GFOD1: variants seen among roughly 807,000 people sequenced by gnomAD.
GFOD1 encodes Gfo/Idh/MocA-like oxidoreductase domain containing 1, also known as glucose-fructose oxidoreductase domain-containing protein 1.
GFOD1 carries 9 observed loss-of-function variants against 25.4 expected under a neutral mutation model. The ratio of observed to expected loss-of-function variants is 0.35; its 90% confidence interval spans 0.21 to 0.62. The LOEUF (loss-of-function observed/expected upper bound fraction) is 0.62, where lower values mean the gene tolerates loss of function less well. Among genes scored for constraint, GFOD1 ranks in the 20% least tolerant of loss-of-function variants. GFOD1 has a pLI of 0.72. For missense variants in GFOD1, 403 were observed against 556.9 expected, an observed-to-expected ratio of 0.72 and a Z score of 2.78; for synonymous variants, 253 against 245.6, an observed-to-expected ratio of 1.03 and a Z score of -0.28.
At chr6:13,464,714 A>G (rs1018241300) in intron 1 of GFOD1, among the ~76,000 whole-genome samples, 1 of 152,238 alleles carries the variant, frequency 6.6e-6, no homozygotes, top group African/African-American at 2.4e-5. Flanking sequence ...AGGCTTTACA[A>G]GAAACAAACC....
chr6:13,408,103 T>C (rs1006901005), intron 1 of GFOD1: 1 of 985,356 alleles, frequency 1.0e-6, no homozygotes, highest in Non-Finnish European at 1.2e-6. Flanking sequence ...CCGGCCACGG[T>C]AGCATCTATC....
At chr6:13,372,650 G>A (rs756121517) in intron 1 of GFOD1, among the ~76,000 whole-genome samples, 7 of 152,294 alleles carry the variant, frequency 4.6e-5, no homozygotes, top group Non-Finnish European at 1.0e-4. Flanking sequence ...GCAGGTACCC[G>A]TTGCTGCCCT....
At chr6:13,486,493 T>A in intron 1 of GFOD1, 145 bp downstream of exon 1, 1 of 702,956 alleles carries the variant, frequency 1.4e-6, no homozygotes, top group East Asian at 2.7e-5. Flanking sequence ...GAGCTCTGAG[T>A]CGGATCTGGG....
intron 1 of GFOD1, chr6:13,486,176 A>G: frequency 1.0e-6 from 1 of 990,272 alleles, no homozygotes; most frequent in Non-Finnish European, 1.2e-6. Context: ...GCGGCCTTTT[A>G]TTCAGGCGTT....
chr6:13,441,954 T>C (rs935058883), intron 1 of GFOD1, among the ~76,000 whole-genome samples: 1 of 152,176 alleles, frequency 6.6e-6, no homozygotes, highest in African/African-American at 2.4e-5. Context: ...TATCATCCCA[T>C]GGCCAGACAC....
At chr6:13,384,972 G>GCAGA (rs1341885082) in intron 1 of GFOD1, among the ~76,000 whole-genome samples, 1 of 152,102 alleles carries the variant, frequency 6.6e-6, no homozygotes, top group Admixed American at 6.6e-5. Context: ...TTCTCAAAAG[G>GCAGA]CAGACTCACA....
At chr6:13,452,469 T>A (rs1335769176) in intron 1 of GFOD1, among the ~76,000 whole-genome samples, 1 of 152,156 alleles carries the variant, frequency 6.6e-6, no homozygotes, top group Non-Finnish European at 1.5e-5. Context: ...TAGCTCACAG[T>A]TCTGGAGTTG....
At chr6:13,453,662 G>A (rs1233524286) in intron 1 of GFOD1, among the ~76,000 whole-genome samples, 1 of 152,206 alleles carries the variant, frequency 6.6e-6, no homozygotes, top group Non-Finnish European at 1.5e-5. Flanking sequence ...AAGCAACTTA[G>A]ATTTAGTGAA....
chr6:13,388,686 T>C (rs974779256), intron 1 of GFOD1, among the ~76,000 whole-genome samples: 1 of 152,146 alleles, frequency 6.6e-6, no homozygotes, highest in Non-Finnish European at 1.5e-5. Flanking sequence ...GCAATACCAT[T>C]CAGGACACAG....
rs1554198827 is a variant in GFOD1, at chr6:13,365,921, AATG to A, written c.254-262_254-260del. On this transcript the variant is annotated intron_variant, in intron 1 of 1. Transcript: ENST00000379287. This position sits in a 1 kb window ranked among gnomAD's most constrained non-coding sequence, Gnocchi z 9.2. ...TAATAATAATAATAATAATAATAAT[AATG>A]AGCCGGGCGTGGTGGTGCACGCCTG... Among the ~76,000 whole-genome samples the A allele has an allele frequency of 3.3e-3, 419 of 125,916 alleles. 4 individuals are homozygous for A. Among genetic ancestry groups the A allele is most frequent in the African/African-American group, 0.01 (370 of 36,318 alleles). 82.6% of individuals were successfully genotyped at this position (125,916 alleles called of 152,430 possible).
At chr6:13,408,327 G>T (rs1195361059) in intron 1 of GFOD1, among the ~76,000 whole-genome samples, 1 of 152,246 alleles carries the variant, frequency 6.6e-6, no homozygotes, top group African/African-American at 2.4e-5. Context: ...ATCTTGGGCA[G>T]TGAGGTAGAA....
At chr6:13,412,227 T>G (rs1309118643) in intron 1 of GFOD1, among the ~76,000 whole-genome samples, 2 of 152,184 alleles carry the variant, frequency 1.3e-5, no homozygotes, top group African/African-American at 4.8e-5. Flanking sequence ...ACGTTCTTTA[T>G]GGAGGTAATT....
intron 1 of GFOD1, among the ~76,000 whole-genome samples, chr6:13,409,233 G>GGAGA (rs1786021763): frequency 7.0e-6 from 1 of 142,004 alleles, no homozygotes; most frequent in Non-Finnish European, 1.5e-5. Context: ...GAGGAAGGAA[G>GGAGA]GAAGGAGAGA....
intron 1 of GFOD1, among the ~76,000 whole-genome samples, chr6:13,474,889 T>G (rs9463815): frequency 0.031 from 4,788 of 152,232 alleles, 240 homozygotes; most frequent in African/African-American, 0.11. Flanking sequence ...TGGTAGTCTT[T>G]CTCTTCTACT....
chr6:13,438,167 C>T (rs74659781), intron 1 of GFOD1, among the ~76,000 whole-genome samples: 1,602 of 152,328 alleles, frequency 0.011, 35 homozygotes, highest in Non-Finnish European at 0.011. Flanking sequence ...TGAGCCTCCT[C>T]TTCCATTCCA....
Position 13,419,274 on chromosome 6 carries a change from A to C in GFOD1, c.254-53612T>G, listed in dbSNP as rs143207699. Among the ~76,000 whole-genome samples the C allele has an allele frequency of 1.5e-4, 23 of 152,330 alleles. No individual in the cohort carries two copies. The East Asian group carries it at 4.4e-3, about 29-fold the overall frequency. ...TGGAGATCAAGATTCCAAAGAGGGA[A>C]CAGACTATTTTTAAAGTTTCTACTC... On this transcript the variant is annotated intron_variant, in intron 1 of 1. Coordinates refer to ENST00000379287, the MANE Select transcript of GFOD1 (RefSeq NM_018988.4).
chr6:13,448,687 A>G (rs1212837994), intron 1 of GFOD1, among the ~76,000 whole-genome samples: 2 of 152,220 alleles, frequency 1.3e-5, no homozygotes, highest in African/African-American at 4.8e-5. Context: ...TGTTGTTTGC[A>G]GCAGCTCCTG....
At chr6:13,432,052 C>T (rs938084549) in intron 1 of GFOD1, among the ~76,000 whole-genome samples, 3 of 152,064 alleles carry the variant, frequency 2.0e-5, no homozygotes, top group Admixed American at 6.6e-5. Context: ...TGACTCAGCC[C>T]CAGCAAGGCC....
At chr6:13,411,523 C>A (rs892973709) in intron 1 of GFOD1, among the ~76,000 whole-genome samples, 1 of 151,978 alleles carries the variant, frequency 6.6e-6, no homozygotes, top group Admixed American at 6.6e-5. Flanking sequence ...ATCTCCTGAC[C>A]TCAAGTGATC....
Sources: gnomAD v4.1 joint callset for allele counts (sites outside exome capture counted in the v4.1 genomes callset) on GRCh38, gnomAD v4.1.1 for gene constraint, Gnocchi (gnomAD v3.1) non-coding constraint, MANE v1.5 for transcripts, NCBI Gene and HGNC (gene_info 2026-07-23, HGNC 2026-07-21) for gene names.